LRP4: variants seen among roughly 807,000 people sequenced by gnomAD.
LRP4 encodes the protein LDL receptor related protein 4.
In LRP4, 95 loss-of-function variants were observed where a neutral mutation model predicts 220.3. That is an observed-to-expected ratio of 0.43 (90% CI 0.37 to 0.51). The LOEUF (loss-of-function observed/expected upper bound fraction) is 0.51. Among genes scored for constraint, LRP4 ranks in the 20% least tolerant of loss-of-function variants. The probability of loss-of-function intolerance (pLI) is 0.00; values close to 1 mark genes in which losing one functional copy is unlikely to be tolerated. For missense variants in LRP4, 1,925 were observed against 2,567.0 expected (o/e 0.75, Z 5.40); for synonymous variants, 903 against 954.6 (o/e 0.95, Z 1.00).
chr11:46,900,523 G>T, intron 2 of LRP4, 145 bp from the exon 3 acceptor site: 1 of 681,106 alleles, frequency 1.5e-6, no homozygotes. Flanking sequence ...CCAGGTTGGA[G>T]TACAGTGGCG....
rs997818747 is a variant in LRP4 at position 46,890,935 on chromosome 11, C to G, written c.1698-441G>C. 2.0e-5 allele frequency among the ~76,000 whole-genome samples: 3 copies of G among 151,802 alleles called. No homozygotes were observed. Among genetic ancestry groups the G allele is most frequent in the Non-Finnish European group, 4.4e-5 (3 of 67,964 alleles). On this transcript the variant is annotated intron_variant, in intron 13 of 37. Transcript: ENST00000378623. This position sits in a 1 kb window ranked among gnomAD's most constrained non-coding sequence, Gnocchi z 5.3. ...GTGTCTGAGTTTAAATGTCTTTAGACAGGGCATTTATTCATTTAATAATTT... is the reference window on the plus strand; with the variant it reads ...GTGTCTGAGTTTAAATGTCTTTAGAGAGGGCATTTATTCATTTAATAATTT...
At chr11:46,904,893 T>C (rs1440830973) in intron 1 of LRP4, among the ~76,000 whole-genome samples, 1 of 144,190 alleles carries the variant, frequency 6.9e-6, no homozygotes, top group Non-Finnish European at 1.5e-5. Flanking sequence ...GGAGAATCAC[T>C]TGAGCCCGGG....
At chr11:46,897,933 C>T (rs1470906502) in intron 7 of LRP4, among the ~76,000 whole-genome samples, 15 of 152,274 alleles carry the variant, frequency 9.9e-5, no homozygotes, top group African/African-American at 3.6e-4. Context: ...GGGCTCCTCA[C>T]TTCCCAGTAG....
chr11:46,877,434 A>G, intron 22 of LRP4, 95 bp from the exon 23 acceptor site: 1 of 1,288,040 alleles, frequency 7.8e-7, no homozygotes, highest in Non-Finnish European at 1.1e-6. Context: ...TGTCCCTGCT[A>G]GTTTCTAGCT....
chr11:46,897,086 T>A, intron 7 of LRP4, 92 bp from the exon 8 acceptor site: 1 of 1,525,168 alleles, frequency 6.6e-7, no homozygotes, highest in Non-Finnish European at 9.0e-7. Context: ...TCAGTACCCA[T>A]GCCACTCTTG....
intron 36 of LRP4, among the ~76,000 whole-genome samples, chr11:46,863,203 A>G (rs1940603394): frequency 6.6e-6 from 1 of 152,042 alleles, no homozygotes; most frequent in Non-Finnish European, 1.5e-5. Flanking sequence ...TGAGACTGTA[A>G]CCCCAGCTGA....
In LRP4 at chr11:46,898,692, G is replaced by C. The variant is rs773480986; in HGVS notation, c.677-15C>G. 2 of 1,613,702 alleles carry C rather than the reference G, an allele frequency of 1.2e-6. No individual in the cohort carries two copies. The highest frequency in any genetic ancestry group is 1.7e-6 in the Non-Finnish European group (2 of 1,179,998). ...CTGGTGGGAGGCTAGGGAAACACAA[G>C]ACTTCTGTCTCTAGCCAGTCTGTGC... On this transcript the variant is annotated splice_polypyrimidine_tract_variant and intron_variant, in intron 6 of 37. Coordinates refer to ENST00000378623, the MANE Select transcript of LRP4 (RefSeq NM_002334.4).
chr11:46,873,019 T>C lies in LRP4; in HGVS notation c.4583+81A>G. 1 of 1,577,260 alleles carries C rather than the reference T, an allele frequency of 6.3e-7. No individual in the cohort carries two copies. On this transcript the variant is annotated intron_variant, in intron 30 of 37. Transcript: ENST00000378623. This position sits in a 1 kb window ranked among gnomAD's most constrained non-coding sequence, Gnocchi z 4.2. ...ACATACCAAGAAGCTTTCTATCTTTTCATTTTTCCAAGGTTAATCTCAACC... is the reference window on the plus strand; with the variant it reads ...ACATACCAAGAAGCTTTCTATCTTTCCATTTTTCCAAGGTTAATCTCAACC...
chr11:46,897,016 T>C, intron 7 of LRP4, 22 bp from the exon 8 acceptor site: 1 of 1,614,020 alleles, frequency 6.2e-7, no homozygotes, highest in Middle Eastern at 1.6e-4. Context: ...AAAGGCTTAA[T>C]GAAAGGTGGG....
At chr11:46,884,989 G>C (rs1592531713) in intron 18 of LRP4, among the ~76,000 whole-genome samples, 1 of 152,154 alleles carries the variant, frequency 6.6e-6, no homozygotes, top group East Asian at 1.9e-4. Flanking sequence ...AGTAAGTCTT[G>C]ACTTTTGTTT....
rs768842996 is a variant in LRP4, at chr11:46,899,347, C to T, written c.547+40G>A. ...TTAGCCAATGGGCAGAACTGTCTGC[C>T]CTCATCCAACCCAACAGCCTGAGGT... On this transcript the variant is annotated intron_variant, in intron 5 of 37. Transcript: ENST00000378623. This position sits in a 1 kb window ranked among gnomAD's most constrained non-coding sequence, Gnocchi z 5.9. 44 of 1,497,284 alleles carry T rather than the reference C, an allele frequency of 2.9e-5. No individual in the cohort carries two copies. Among genetic ancestry groups the T allele is most frequent in the Non-Finnish European group, 3.9e-5 (42 of 1,073,836 alleles). The allele number at this position is 1,497,284 out of a possible 1,614,324, so 92.7% of individuals were successfully genotyped here.
intron 19 of LRP4, among the ~76,000 whole-genome samples, chr11:46,882,753 G>T (rs1288366225): frequency 2.0e-5 from 3 of 152,046 alleles, no homozygotes; most frequent in Non-Finnish European, 4.4e-5. Context: ...CTACTTGGGA[G>T]GCTGAGGCAG....
chr11:46,912,991 A>G (rs1565808176), intron 1 of LRP4, among the ~76,000 whole-genome samples: 1 of 151,990 alleles, frequency 6.6e-6, no homozygotes, highest in Non-Finnish European at 1.5e-5. Context: ...CATAGAGGTG[A>G]GGGGGAGCTC....
intron 1 of LRP4, among the ~76,000 whole-genome samples, chr11:46,903,150 G>A (rs184471966): frequency 2.6e-5 from 4 of 152,192 alleles, no homozygotes; most frequent in African/African-American, 7.2e-5. Context: ...CAGGTGACCC[G>A]CTCTATGACA....
Position 46,875,813 on chromosome 11 carries a change from G to C in LRP4, c.3690C>G (p.Ala1230=). The change falls in exon 26 of 38, where the codon GCC becomes GCG. Residue 1230 remains alanine (A), a synonymous_variant. Transcript: ENST00000378623. The surrounding 1 kb of genome is among the most constrained non-coding windows in gnomAD (Gnocchi z 4.5). ...GGGACACGGCTCTCACCTCGGTGTG[G>C]GCATCGGCCCATAGCAGTTGGGAGC... is the stretch of plus-strand genomic sequence containing the variant. ...KASSQLLWAD[A]HTERIEAADL... 1 of 1,614,040 alleles carries C rather than the reference G, an allele frequency of 6.2e-7. No individual in the cohort carries two copies. Among genetic ancestry groups the C allele is most frequent in the Non-Finnish European group, 8.5e-7 (1 of 1,180,008 alleles).
chr11:46,900,047 C>G, intron 3 of LRP4, 71 bp from the exon 4 acceptor site: 1 of 1,301,618 alleles, frequency 7.7e-7, no homozygotes, highest in Non-Finnish European at 1.1e-6. Context: ...ACTTAAAGCC[C>G]TCCGGAGCAG....
rs1940394592 is a variant in LRP4 at position 46,856,915 on chromosome 11, T to A, written c.*2068A>T. ...ATTAAATTATCATAAAGTCCTAAAA[T>A]ACTGAACATAGTGGTTAAATAACTC... On this transcript the variant is annotated 3_prime_UTR_variant, in exon 38 of 38. Transcript: ENST00000378623. This position sits in a 1 kb window ranked among gnomAD's most constrained non-coding sequence, Gnocchi z 4.1. 1 of 152,652 alleles carries A rather than the reference T, an allele frequency of 6.6e-6. No homozygotes were observed. Among genetic ancestry groups the A allele is most frequent in the Non-Finnish European group, 1.5e-5 (1 of 68,036 alleles). The allele number at this position is 152,652 out of a possible 1,614,324, so 9.5% of individuals were successfully genotyped here.
chr11:46,918,251 G>A lies in LRP4; in HGVS notation c.52+77C>T. The A allele has an allele frequency of 2.8e-6, 4 of 1,433,236 alleles. No individual in the cohort carries two copies. The highest frequency in any genetic ancestry group is 3.7e-6 in the Non-Finnish European group (4 of 1,068,288). The allele number at this position is 1,433,236 out of a possible 1,614,324, so 88.8% of individuals were successfully genotyped here. On this transcript the variant is annotated intron_variant, in intron 1 of 37. Transcript: ENST00000378623. This position sits in a 1 kb window ranked among gnomAD's most constrained non-coding sequence, Gnocchi z 6.0. ...GGCGAGGGGTCTCAGGCCCCGGCCC[G>A]CGCCGTCCAGGTCCCGGGAGGCGAG...
Position 46,918,293 on chromosome 11 carries a change from C to T in LRP4, c.52+35G>A. On this transcript the variant is annotated intron_variant, in intron 1 of 37. Transcript: ENST00000378623. This position sits in a 1 kb window ranked among gnomAD's most constrained non-coding sequence, Gnocchi z 6.0. ...GGAGGCGAGTCCTGCAGCGGCCGGACCCAGGGACAAACTTTCCCGGCGGGC... is the reference window on the plus strand; with the variant it reads ...GGAGGCGAGTCCTGCAGCGGCCGGATCCAGGGACAAACTTTCCCGGCGGGC... The T allele has an allele frequency of 6.6e-7, 1 of 1,509,264 alleles. No individual in the cohort carries two copies. Among genetic ancestry groups the T allele is most frequent in the Non-Finnish European group, 8.8e-7 (1 of 1,134,476 alleles). The allele number at this position is 1,509,264 out of a possible 1,614,324, so 93.5% of individuals were successfully genotyped here. A position where few individuals can be genotyped will look rare whatever the true frequency, so the allele number is the denominator to read the frequency against.
Sources: gnomAD v4.1 joint callset for allele counts (sites outside exome capture counted in the v4.1 genomes callset) on GRCh38, gnomAD v4.1.1 for gene constraint, Gnocchi (gnomAD v3.1) non-coding constraint, MANE v1.5 for transcripts, NCBI Gene and HGNC (gene_info 2026-07-23, HGNC 2026-07-21) for gene names.